The following RGS6 variants were observed in gnomAD, a reference collection of about 807,000 sequenced individuals.
RGS6 encodes regulator of G-protein signaling 6.
In RGS6, 30 loss-of-function variants were observed where a neutral mutation model predicts 78.5. The ratio of observed to expected loss-of-function variants is 0.38; its 90% CI spans 0.29 to 0.52. RGS6 has a LOEUF of 0.52. Ranked by LOEUF, RGS6 falls within the 20% of genes least tolerant of loss-of-function variation. RGS6 has a pLI of 0.85. For missense variants in RGS6, 495 were observed against 609.7 expected, an observed-to-expected ratio of 0.81 and a Z score of 1.98; for synonymous variants, 206 against 206.0, an observed-to-expected ratio of 1.00 and a Z score of 0.00.
chr14:72,201,868 T>C (rs2041658640), intron 2 of RGS6, among the ~76,000 whole-genome samples: 1 of 152,166 alleles, frequency 6.6e-6, no homozygotes, highest in Non-Finnish European at 1.5e-5. Context: ...AGAGGTTGTG[T>C]GTGGCCAGCA....
intron 3 of RGS6, among the ~76,000 whole-genome samples, chr14:72,429,204 A>C (rs2094535788): frequency 6.6e-6 from 1 of 152,170 alleles, no homozygotes; most frequent in South Asian, 2.1e-4. Flanking sequence ...TCTGTCTCAG[A>C]TAAAAAAAGG....
At chr14:72,426,857 T>C (rs2094452873) in intron 3 of RGS6, among the ~76,000 whole-genome samples, 1 of 152,172 alleles carries the variant, frequency 6.6e-6, no homozygotes, top group African/African-American at 2.4e-5. Context: ...AACTATCACC[T>C]CTCCATCCCA....
chr14:72,169,261 T>C (rs1287315258), intron 2 of RGS6, among the ~76,000 whole-genome samples: 1 of 152,220 alleles, frequency 6.6e-6, no homozygotes, highest in Non-Finnish European at 1.5e-5. Context: ...AATACGTTTT[T>C]TGATTCAAAG....
chr14:72,263,504 G>T (rs2058530348), intron 2 of RGS6, among the ~76,000 whole-genome samples: 1 of 81,648 alleles, frequency 1.2e-5, no homozygotes, highest in Non-Finnish European at 2.4e-5. Context: ...TATTGTTGTG[G>T]TCTAAATGTA....
At chr14:72,630,023 G>A in the RGS6 span, among the ~76,000 whole-genome samples, 1 of 152,182 alleles carries the variant, frequency 6.6e-6, no homozygotes, top group Non-Finnish European at 1.5e-5. Flanking sequence ...TGATCAGAGA[G>A]AACGAGAGAG....
intron 10 of RGS6, among the ~76,000 whole-genome samples, chr14:72,475,399 T>C (rs1017793931): frequency 1.3e-5 from 2 of 151,810 alleles, no homozygotes; most frequent in Admixed American, 6.6e-5. Flanking sequence ...CCAGGGACAA[T>C]ATTGCAGGAC....
chr14:72,609,343 C>T, the RGS6 span, among the ~76,000 whole-genome samples: 3 of 152,174 alleles, frequency 2.0e-5, no homozygotes, highest in Non-Finnish European at 4.4e-5. Flanking sequence ...CGTGGGCCAC[C>T]AGTCTTCTGA....
chr14:72,300,660 G>A (rs925315739), intron 2 of RGS6, among the ~76,000 whole-genome samples: 1 of 152,206 alleles, frequency 6.6e-6, no homozygotes, highest in African/African-American at 2.4e-5. Flanking sequence ...AGTGAAGGGG[G>A]TGGCATAGAC....
intron 2 of RGS6, among the ~76,000 whole-genome samples, chr14:72,049,461 A>C (rs578232326): frequency 2.6e-5 from 4 of 152,300 alleles, no homozygotes; most frequent in Non-Finnish European, 5.9e-5. Flanking sequence ...GTCTCTCGTG[A>C]TATCTACCTT....
chr14:72,606,131 C>A, the RGS6 span, among the ~76,000 whole-genome samples: 3 of 152,066 alleles, frequency 2.0e-5, no homozygotes, highest in Non-Finnish European at 4.4e-5. Context: ...AAACCTCTGG[C>A]CTCATCGTGT....
At chr14:72,191,291 TA>T (rs2097321959) in intron 2 of RGS6, among the ~76,000 whole-genome samples, 1 of 151,570 alleles carries the variant, frequency 6.6e-6, no homozygotes, top group African/African-American at 2.4e-5. Flanking sequence ...CCTGCGTTTG[TA>T]AATGAGGTTT....
At chr14:72,281,613 T>C (rs953575033) in intron 2 of RGS6, among the ~76,000 whole-genome samples, 1 of 151,998 alleles carries the variant, frequency 6.6e-6, no homozygotes, top group Admixed American at 6.6e-5. Context: ...TTTAGACTGG[T>C]TGGTGAGGGA....
intron 15 of RGS6, among the ~76,000 whole-genome samples, chr14:72,534,604 G>T (rs1215649649): frequency 6.6e-6 from 1 of 152,126 alleles, no homozygotes; most frequent in Non-Finnish European, 1.5e-5. Context: ...TCTATTCATT[G>T]ATGGACTCAT....
At chr14:72,121,064 C>T (rs1477935192) in intron 2 of RGS6, among the ~76,000 whole-genome samples, 1 of 152,162 alleles carries the variant, frequency 6.6e-6, no homozygotes, top group East Asian at 1.9e-4. Flanking sequence ...GATTCCTGGT[C>T]CAGCTCTTTT....
chr14:72,357,779 G>T (rs1029271098), intron 3 of RGS6, among the ~76,000 whole-genome samples: 8 of 152,174 alleles, frequency 5.3e-5, no homozygotes, highest in Admixed American at 1.3e-4. Context: ...ATTTTCTGGG[G>T]AGAAATTCAA....
At chr14:71,969,283 C>T (rs2093679967) in intron 2 of RGS6, among the ~76,000 whole-genome samples, 4 of 152,234 alleles carry the variant, frequency 2.6e-5, no homozygotes, top group South Asian at 4.1e-4. Flanking sequence ...GGTGCTTTTG[C>T]TTCTTCGGTA....
chr14:72,534,704 T>C (rs1221210760), intron 15 of RGS6, among the ~76,000 whole-genome samples: 1 of 152,172 alleles, frequency 6.6e-6, no homozygotes, highest in Non-Finnish European at 1.5e-5. Flanking sequence ...CATTGCTCTG[T>C]CTTTTTCTGG....
At chr14:72,362,572 G>A (rs891774774) in intron 3 of RGS6, among the ~76,000 whole-genome samples, 3 of 152,146 alleles carry the variant, frequency 2.0e-5, no homozygotes, top group Non-Finnish European at 2.9e-5. Flanking sequence ...TGGGGTCTCA[G>A]TTCTTCTCCA....
intron 2 of RGS6, among the ~76,000 whole-genome samples, chr14:72,349,706 G>A (rs759757880): frequency 6.6e-6 from 1 of 152,148 alleles, no homozygotes; most frequent in Non-Finnish European, 1.5e-5. Flanking sequence ...TAGTAAATGA[G>A]CCTTCTAAGA....
Sources: gnomAD v4.1 joint callset for allele counts (sites outside exome capture counted in the v4.1 genomes callset) on GRCh38, gnomAD v4.1.1 for gene constraint, MANE v1.5 for transcripts, NCBI Gene and HGNC (gene_info 2026-07-23, HGNC 2026-07-21) for gene names.